GRIK1: variants seen among roughly 807,000 people sequenced by gnomAD.
GRIK1 encodes glutamate receptor ionotropic, kainate 1.
A neutral mutation model predicts 105.7 loss-of-function variants in GRIK1; 69 were observed. The ratio of observed to expected loss-of-function variants is 0.65; its 90% confidence interval spans 0.54 to 0.80. The LOEUF (loss-of-function observed/expected upper bound fraction) is 0.80, where lower values mean the gene tolerates loss of function less well. GRIK1 is among the 30% of genes least tolerant of loss of function. The pLI is 0.00. For synonymous variants in GRIK1, 438 were observed against 431.3 expected (o/e 1.02, Z -0.19); for missense variants, 1,109 against 1,167.3 (o/e 0.95, Z 0.73).
chr21:29,553,166 A>C (rs1019948971), intron 16 of GRIK1: 72 of 965,426 alleles, frequency 7.5e-5, no homozygotes, highest in Non-Finnish European at 8.8e-5. Flanking sequence ...AGGAGGGAAC[A>C]AAGTTCACAA....
At chr21:29,798,667 T>G (rs545080821) in intron 1 of GRIK1, among the ~76,000 whole-genome samples, 24 of 152,332 alleles carry the variant, frequency 1.6e-4, no homozygotes, top group South Asian at 4.1e-4. Flanking sequence ...CAAAGAACAT[T>G]AAAAGAAACA....
At chr21:29,707,820 T>C (rs2146799758) in intron 1 of GRIK1, among the ~76,000 whole-genome samples, 1 of 152,134 alleles carries the variant, frequency 6.6e-6, no homozygotes, top group East Asian at 1.9e-4. Context: ...TTCACATAGG[T>C]ACCTCTTCCT....
chr21:29,781,490 C>T (rs2066097986), intron 1 of GRIK1, among the ~76,000 whole-genome samples: 1 of 152,108 alleles, frequency 6.6e-6, no homozygotes, highest in Non-Finnish European at 1.5e-5. Flanking sequence ...TCTTCCCCAC[C>T]CCAAGCTGGT....
At chr21:29,732,272 A>G (rs1405850083) in intron 1 of GRIK1, among the ~76,000 whole-genome samples, 1 of 152,152 alleles carries the variant, frequency 6.6e-6, no homozygotes, top group East Asian at 1.9e-4. Context: ...GGAGAAAGGT[A>G]CAAAACCCAT....
Position 29,546,316 on chromosome 21 carries a change from C to T in GRIK1, c.2608-8432G>A, listed in dbSNP as rs73897677. ...ATTGAGGAAGACACTATGTATGAAA[C>T]ATTCCATAGCTTCACTGCCTACACG... On this transcript the variant is annotated intron_variant, in intron 16 of 17. Coordinates refer to ENST00000327783, the MANE Select transcript of GRIK1 (RefSeq NM_001330994.2). Among the ~76,000 whole-genome samples the T allele has an allele frequency of 4.3e-3, 652 of 152,324 alleles. 2 individuals carry two copies. Among genetic ancestry groups the T allele is most frequent in the African/African-American group, 0.015 (606 of 41,570 alleles).
intron 7 of GRIK1, among the ~76,000 whole-genome samples, chr21:29,640,965 G>A (rs910294930): frequency 2.0e-5 from 3 of 152,070 alleles, no homozygotes; most frequent in Non-Finnish European, 2.9e-5. Context: ...TGAAATTCCT[G>A]GTATCATCTT....
chr21:29,771,096 G>T (rs2065801545), intron 1 of GRIK1, among the ~76,000 whole-genome samples: 1 of 152,160 alleles, frequency 6.6e-6, no homozygotes, highest in Admixed American at 6.5e-5. Context: ...ATCAAAATAT[G>T]CATACAATCA....
At chr21:29,848,165 C>T (rs1192842484) in intron 1 of GRIK1, among the ~76,000 whole-genome samples, 3 of 152,122 alleles carry the variant, frequency 2.0e-5, no homozygotes, top group Non-Finnish European at 2.9e-5. Context: ...CTTCTAGTTG[C>T]ACTTTTACCA....
At chr21:29,904,836 G>T (rs1339476337) in intron 1 of GRIK1, among the ~76,000 whole-genome samples, 1 of 152,148 alleles carries the variant, frequency 6.6e-6, no homozygotes, top group East Asian at 1.9e-4. Context: ...GGAGTCCTTT[G>T]TGTTAGGACT....
chr21:29,642,329 G>C (rs2062527987), intron 7 of GRIK1, among the ~76,000 whole-genome samples: 1 of 152,184 alleles, frequency 6.6e-6, no homozygotes. Context: ...GGTTTTGAAT[G>C]GGAATAAACT....
chr21:29,736,404 A>G (rs184491908), intron 1 of GRIK1, among the ~76,000 whole-genome samples: 2 of 151,850 alleles, frequency 1.3e-5, no homozygotes, highest in African/African-American at 2.4e-5. Context: ...AACTTTTTTT[A>G]TATTTGTAGA....
chr21:29,830,204 T>A (rs565949142), intron 1 of GRIK1, among the ~76,000 whole-genome samples: 1 of 152,264 alleles, frequency 6.6e-6, no homozygotes, highest in African/African-American at 2.4e-5. Flanking sequence ...ATTGTGTGTA[T>A]GTTTGTATGT....
chr21:29,705,261 G>A (rs1273936495), intron 1 of GRIK1, among the ~76,000 whole-genome samples: 1 of 152,210 alleles, frequency 6.6e-6, no homozygotes, highest in Non-Finnish European at 1.5e-5. Context: ...ATACCGATGT[G>A]TGTGCGTATA....
chr21:29,899,184 G>A (rs2070293886), intron 1 of GRIK1, among the ~76,000 whole-genome samples: 1 of 152,166 alleles, frequency 6.6e-6, no homozygotes, highest in Non-Finnish European at 1.5e-5. Context: ...TACTCTGAAG[G>A]ACTAGCATTA....
intron 5 of GRIK1, among the ~76,000 whole-genome samples, chr21:29,653,343 CT>C (rs1156511551): frequency 6.6e-6 from 1 of 152,100 alleles, no homozygotes; most frequent in African/African-American, 2.4e-5. Context: ...TTAGGTTGTC[CT>C]ACAATTTAGG....
chr21:29,570,362 C>A (rs1411864797), intron 14 of GRIK1, among the ~76,000 whole-genome samples: 1 of 151,826 alleles, frequency 6.6e-6, no homozygotes, highest in Non-Finnish European at 1.5e-5. Context: ...TATAGCTGGG[C>A]GTGGTGGCAG....
At chr21:29,807,669 C>G (rs534457322) in intron 1 of GRIK1, among the ~76,000 whole-genome samples, 98 of 152,024 alleles carry the variant, frequency 6.4e-4, no homozygotes, top group Non-Finnish European at 6.0e-4. Flanking sequence ...AATTCAAGAA[C>G]AAATTTGTTG....
At chr21:29,822,683 C>A (rs910742753) in intron 1 of GRIK1, among the ~76,000 whole-genome samples, 1 of 151,994 alleles carries the variant, frequency 6.6e-6, no homozygotes, top group Non-Finnish European at 1.5e-5. Flanking sequence ...GGAGTTCCAG[C>A]AGTTACCTTG....
intron 1 of GRIK1, among the ~76,000 whole-genome samples, chr21:29,810,780 T>C (rs2066989413): frequency 6.6e-6 from 1 of 152,090 alleles, no homozygotes; most frequent in Non-Finnish European, 1.5e-5. Context: ...CCGTGATGCC[T>C]GGTTTCAGCC....
Sources: allele counts gnomAD v4.1 joint callset (sites outside exome capture counted in the v4.1 genomes callset), GRCh38; gene constraint gnomAD v4.1.1; transcripts MANE v1.5; gene names NCBI Gene and HGNC (gene_info 2026-07-23, HGNC 2026-07-21).